Variants in ANKFN1 observed in about 807,000 individuals in gnomAD.
The protein encoded by ANKFN1 is ankyrin repeat and fibronectin type-III domain-containing protein 1.
ANKFN1 carries 74 observed loss-of-function variants against 108.7 expected under a neutral mutation model. That is an observed-to-expected ratio of 0.68 (90% CI 0.56 to 0.83). ANKFN1 has a LOEUF of 0.83. Ranked by LOEUF, ANKFN1 falls within the 40% of genes least tolerant of loss-of-function variation. The pLI, the probability that ANKFN1 is intolerant of heterozygous loss-of-function variation, is 0.00. For missense variants in ANKFN1, 1,505 were observed against 1,382.3 expected (o/e 1.09, Z -1.41); for synonymous variants, 547 against 516.2 (o/e 1.06, Z -0.81).
intron 4 of ANKFN1, among the ~76,000 whole-genome samples, chr17:56,349,393 GA>G (rs397690706): frequency 2.9e-4 from 43 of 146,414 alleles, no homozygotes; most frequent in South Asian, 6.5e-4. Flanking sequence ...TTAAAAGCTG[GA>G]AAAAAAAAAA....
intron 1 of ANKFN1, among the ~76,000 whole-genome samples, chr17:56,184,227 G>T (rs963910822): frequency 2.6e-5 from 4 of 152,096 alleles, no homozygotes; most frequent in African/African-American, 9.7e-5. Context: ...GAACTTCATT[G>T]TTGTCTTATT....
chr17:56,480,211 T>C (rs1234860309), intron 16 of ANKFN1, among the ~76,000 whole-genome samples: 1 of 152,206 alleles, frequency 6.6e-6, no homozygotes, highest in Non-Finnish European at 1.5e-5. Flanking sequence ...ATATCCCCCA[T>C]GATTACAACA....
intron 15 of ANKFN1, among the ~76,000 whole-genome samples, chr17:56,469,032 A>G (rs1465527552): frequency 6.6e-6 from 1 of 152,168 alleles, no homozygotes; most frequent in Non-Finnish European, 1.5e-5. Context: ...CCTCAACATG[A>G]TATAATACCT....
chr17:56,329,746 C>T (rs555291075), intron 4 of ANKFN1, among the ~76,000 whole-genome samples: 10 of 152,110 alleles, frequency 6.6e-5, no homozygotes, highest in Non-Finnish European at 1.3e-4. Context: ...TATGTTTCTC[C>T]GAAAGCCAAA....
At chr17:56,329,805 C>T (rs1215462330) in intron 4 of ANKFN1, among the ~76,000 whole-genome samples, 1 of 152,132 alleles carries the variant, frequency 6.6e-6, no homozygotes, top group Non-Finnish European at 1.5e-5. Flanking sequence ...CTGAGGCCTT[C>T]AAGAAGATAT....
At chr17:56,367,135 G>T (rs1163570617) in intron 6 of ANKFN1, among the ~76,000 whole-genome samples, 1 of 152,066 alleles carries the variant, frequency 6.6e-6, no homozygotes, top group African/African-American at 2.4e-5. Flanking sequence ...TTGAAAAATG[G>T]CACATCATTA....
intron 4 of ANKFN1, among the ~76,000 whole-genome samples, chr17:56,085,179 G>A (rs1365960752): frequency 1.7e-5 from 1 of 58,142 alleles, no homozygotes; most frequent in African/African-American, 8.8e-5. Flanking sequence ...GCCCTCCAAA[G>A]CATATATATA....
chr17:56,104,786 G>A (rs1905711833), intron 4 of ANKFN1, among the ~76,000 whole-genome samples: 1 of 152,222 alleles, frequency 6.6e-6, no homozygotes, highest in Non-Finnish European at 1.5e-5. Context: ...AGAGGTGACA[G>A]AAGGGAGGCA....
rs574027350 is a variant in ANKFN1 at position 56,303,482 on chromosome 17, C to T, written c.54-22739C>T. On this transcript the variant is annotated intron_variant, in intron 3 of 20. Coordinates refer to ENST00000682825, the MANE Select transcript of ANKFN1 (RefSeq NM_001370326.1). ...TGACGAAGCCATAATATCACCAGAA[C>T]CACTCTACAATGCTCACTTTAGTTT... Among the ~76,000 whole-genome samples the T allele has an allele frequency of 2.2e-4, 33 of 152,266 alleles. No homozygotes were observed. In the East Asian group the frequency reaches 6.2e-3, roughly 28 times the overall value.
At chr17:56,283,655 A>G (rs1310163237) in intron 3 of ANKFN1, among the ~76,000 whole-genome samples, 3 of 152,030 alleles carry the variant, frequency 2.0e-5, no homozygotes, top group South Asian at 2.1e-4. Flanking sequence ...ACCAAACATC[A>G]TATGTTCTCA....
chr17:56,281,390 T>G (rs1381961309), intron 3 of ANKFN1, among the ~76,000 whole-genome samples: 1 of 152,158 alleles, frequency 6.6e-6, no homozygotes, highest in Non-Finnish European at 1.5e-5. Flanking sequence ...CCCTATCTCA[T>G]ACAAAAATTA....
intron 8 of ANKFN1, among the ~76,000 whole-genome samples, chr17:56,385,624 G>GA (rs1171017313): frequency 1.3e-5 from 2 of 151,988 alleles, no homozygotes; most frequent in South Asian, 2.1e-4. Context: ...AAATTTACAA[G>GA]AAAAAAACGA....
intron 18 of ANKFN1, among the ~76,000 whole-genome samples, chr17:56,490,654 T>C (rs2051005756): frequency 1.3e-5 from 2 of 152,156 alleles, no homozygotes; most frequent in African/African-American, 4.8e-5. Flanking sequence ...AGAAGCTCCA[T>C]AGCTTGTCAT....
chr17:56,261,266 C>T (rs1205977066), intron 3 of ANKFN1, among the ~76,000 whole-genome samples: 1 of 152,154 alleles, frequency 6.6e-6, no homozygotes, highest in Non-Finnish European at 1.5e-5. Context: ...TAATCAAAAA[C>T]TGCCATTGTT....
intron 4 of ANKFN1, among the ~76,000 whole-genome samples, chr17:56,052,079 C>T (rs1004626589): frequency 1.1e-4 from 16 of 151,012 alleles, no homozygotes; most frequent in Admixed American, 1.3e-4. Flanking sequence ...CTTTAAAGTT[C>T]ATATGGAACC....
rs553278758 is a variant in ANKFN1, at chr17:56,508,613, T to C, written c.2645-1860T>C. ...TTTTAAAAGTGGATGAAGACATAAA[T>C]TAATACAGACATAGAGATGAATGAA... On this transcript the variant is annotated intron_variant, in intron 20 of 20. Transcript: ENST00000682825. 7.9e-5 allele frequency among the ~76,000 whole-genome samples: 12 copies of C among 152,286 alleles called. No individual in the cohort carries two copies. In the South Asian group the frequency reaches 2.5e-3, roughly 32 times the overall value.
intron 3 of ANKFN1, among the ~76,000 whole-genome samples, chr17:56,321,221 C>A (rs1177563165): frequency 1.3e-5 from 2 of 151,992 alleles, no homozygotes; most frequent in African/African-American, 4.8e-5. Flanking sequence ...TATTCAGATA[C>A]ACCCTGGGGT....
At chr17:56,249,017 A>T (rs1253914695) in intron 3 of ANKFN1, among the ~76,000 whole-genome samples, 2 of 152,242 alleles carry the variant, frequency 1.3e-5, no homozygotes, top group South Asian at 2.1e-4. Context: ...GAAACAGCTT[A>T]GAATAGCGCT....
At chr17:56,180,047 T>G (rs1214116206) in intron 1 of ANKFN1, among the ~76,000 whole-genome samples, 3 of 152,170 alleles carry the variant, frequency 2.0e-5, no homozygotes, top group Non-Finnish European at 4.4e-5. Context: ...GAACCATAGA[T>G]TCACAGAGGA....
Sources: gnomAD v4.1 joint callset for allele counts (sites outside exome capture counted in the v4.1 genomes callset) on GRCh38, gnomAD v4.1.1 for gene constraint, MANE v1.5 for transcripts, NCBI Gene and HGNC (gene_info 2026-07-23, HGNC 2026-07-21) for gene names.